The following AK5 variants were observed in gnomAD, a reference collection of about 807,000 sequenced individuals.
AK5 encodes the protein adenylate kinase isoenzyme 5.
A neutral mutation model predicts 69.5 loss-of-function variants in AK5; 27 were observed. The ratio of observed to expected loss-of-function variants is 0.39; its 90% confidence interval spans 0.29 to 0.54. The LOEUF is 0.54. AK5 is among the 20% of genes least tolerant of loss of function. AK5 has a pLI of 0.71. For missense variants in AK5, 531 were observed against 700.4 expected, an observed-to-expected ratio of 0.76 and a Z score of 2.73; for synonymous variants, 260 against 244.4, an observed-to-expected ratio of 1.06 and a Z score of -0.60.
chr1:77,558,578 CTCT>C, intron 13 of AK5, 21 bp from the exon 14 acceptor site: 1 of 1,402,570 alleles, frequency 7.1e-7, no homozygotes, highest in Non-Finnish European at 1.0e-6. Flanking sequence ...CAGACTAACT[CTCT>C]TTTTTTCCTT....
intron 10 of AK5, among the ~76,000 whole-genome samples, chr1:77,488,636 T>C (rs1027716360): frequency 6.6e-6 from 1 of 152,168 alleles, no homozygotes; most frequent in African/African-American, 2.4e-5. Context: ...GGAGAGCCAG[T>C]CCGAGTCGCA....
chr1:77,462,303 AGATGGATGGATGGATG>A (rs56413918), intron 8 of AK5, among the ~76,000 whole-genome samples: 6 of 150,048 alleles, frequency 4.0e-5, no homozygotes, highest in African/African-American at 7.3e-5. Context: ...TTTGTTGGAT[AGATGGATGGATGGATG>A]GATGGATGGA....
chr1:77,423,820 G>A (rs2647514), intron 8 of AK5, among the ~76,000 whole-genome samples: 140,278 of 151,982 alleles, frequency 0.92, 64,865 homozygotes, highest in East Asian at 0.97. Context: ...TCTTCTGGCC[G>A]TGGGAGGAGA....
At chr1:77,517,106 AAG>A (rs1354728119) in intron 10 of AK5, among the ~76,000 whole-genome samples, 1 of 151,536 alleles carries the variant, frequency 6.6e-6, no homozygotes, top group African/African-American at 2.4e-5. Context: ...ATAGCGGGGA[AAG>A]ATGCTGGAGA....
rs1462673914 is a variant in AK5 at position 77,483,025 on chromosome 1, A to T, written c.1060-292A>T. 6.2e-5 allele frequency among the ~76,000 whole-genome samples: 6 copies of T among 97,008 alleles called. 1 individual carries two copies. Among genetic ancestry groups the T allele is most frequent in the African/African-American group, 2.4e-4 (6 of 25,418 alleles). 63.6% of individuals were successfully genotyped at this position (97,008 alleles called of 152,430 possible). A position where few individuals can be genotyped will look rare whatever the true frequency, so the allele number is the denominator to read the frequency against. The stretch of plus-strand genomic sequence containing the variant: ...AAAAAAAAAAAAAAAAAAAAAAAAA[A>T]AAAAAAAAAAAAAAAGAGGTGAGAT... On this transcript the variant is annotated intron_variant, in intron 8 of 13. Coordinates refer to ENST00000354567, the MANE Select transcript of AK5 (RefSeq NM_174858.3).
chr1:77,299,359 T>C lies in AK5; in HGVS notation c.699+1412T>C, dbSNP rs1210826309. ...TTTATTTCAAGGAGCATTTAACATA[T>C]TACAGATATCGTATTAAACAGTATT... On this transcript the variant is annotated intron_variant, in intron 5 of 13. Transcript: ENST00000354567. 6.7e-5 allele frequency among the ~76,000 whole-genome samples: 10 copies of C among 150,026 alleles called. No homozygotes were observed. The Admixed American group carries it at 6.7e-4, about 10-fold the overall frequency.
chr1:77,391,728 G>A (rs1343929960), intron 6 of AK5, among the ~76,000 whole-genome samples: 1 of 151,848 alleles, frequency 6.6e-6, no homozygotes, highest in East Asian at 1.9e-4. Context: ...CATCAGGTAG[G>A]AATTGTTATT....
At chr1:77,307,702 G>T (rs910553532) in intron 5 of AK5, among the ~76,000 whole-genome samples, 4 of 152,140 alleles carry the variant, frequency 2.6e-5, no homozygotes, top group African/African-American at 9.7e-5. Context: ...TGAAAGTGAG[G>T]TGTTGAAGTC....
At chr1:77,462,813 C>T (rs1226544951) in intron 8 of AK5, among the ~76,000 whole-genome samples, 1 of 152,048 alleles carries the variant, frequency 6.6e-6, no homozygotes, top group Non-Finnish European at 1.5e-5. Flanking sequence ...TTGAAAATAC[C>T]ATTGAGATAG....
chr1:77,443,193 T>A (rs1457416579), intron 8 of AK5, among the ~76,000 whole-genome samples: 1 of 152,202 alleles, frequency 6.6e-6, no homozygotes, highest in Non-Finnish European at 1.5e-5. Flanking sequence ...GTTGAGTATC[T>A]CTTACTCAAA....
chr1:77,362,688 A>G (rs1239392542), intron 6 of AK5, among the ~76,000 whole-genome samples: 1 of 152,262 alleles, frequency 6.6e-6, no homozygotes, highest in Non-Finnish European at 1.5e-5. Flanking sequence ...AACAAATTAT[A>G]AAAACTTGTT....
intron 6 of AK5, among the ~76,000 whole-genome samples, chr1:77,383,136 A>G (rs1480875117): frequency 6.6e-6 from 1 of 152,224 alleles, no homozygotes; most frequent in East Asian, 1.9e-4. Flanking sequence ...GCTTTAAAAG[A>G]CATTTGATTA....
rs1471292918 is a variant in AK5 at position 77,367,292 on chromosome 1, C to T, written c.891+26724C>T. ...AGTGAGATATCTTGGGCATAGGACC[C>T]AAGTCTAAACATGAAATTTATTTAT... On this transcript the variant is annotated intron_variant, in intron 6 of 13. Transcript: ENST00000354567. Among the ~76,000 whole-genome samples the T allele has an allele frequency of 2.0e-5, 3 of 151,248 alleles. No homozygotes were observed. In the East Asian group the frequency reaches 5.8e-4, roughly 29 times the overall value.
chr1:77,313,340 T>C (rs1660064349), intron 5 of AK5, among the ~76,000 whole-genome samples: 1 of 152,122 alleles, frequency 6.6e-6, no homozygotes, highest in Non-Finnish European at 1.5e-5. Flanking sequence ...TCTAGACCAC[T>C]AGCTTTCTCT....
At chr1:77,369,625 G>A (rs1309641931) in intron 6 of AK5, among the ~76,000 whole-genome samples, 9 of 151,930 alleles carry the variant, frequency 5.9e-5, no homozygotes, top group Non-Finnish European at 1.0e-4. Flanking sequence ...TATATAATCC[G>A]AAGATAAAAA....
intron 2 of AK5, among the ~76,000 whole-genome samples, chr1:77,289,302 C>T (rs910297563): frequency 1.3e-5 from 2 of 152,180 alleles, no homozygotes; most frequent in East Asian, 1.9e-4. Flanking sequence ...CCACTTAATA[C>T]ATTACTGCTT....
At chr1:77,436,329 T>C (rs977836091) in intron 8 of AK5, among the ~76,000 whole-genome samples, 5 of 151,950 alleles carry the variant, frequency 3.3e-5, no homozygotes, top group Non-Finnish European at 7.4e-5. Context: ...ATGCTTTGTA[T>C]ACAGAATTAT....
chr1:77,360,949 C>T (rs1261373664), intron 6 of AK5, among the ~76,000 whole-genome samples: 3 of 152,272 alleles, frequency 2.0e-5, no homozygotes, highest in East Asian at 1.9e-4. Flanking sequence ...CAGGAGGCCA[C>T]ATAATGAAAA....
At chr1:77,470,419 C>T (rs544859584) in intron 8 of AK5, among the ~76,000 whole-genome samples, 2 of 152,242 alleles carry the variant, frequency 1.3e-5, no homozygotes, top group South Asian at 4.2e-4. Context: ...GTGGGAAGAT[C>T]ACTTGAGCCT....
Sources: allele counts gnomAD v4.1 joint callset (sites outside exome capture counted in the v4.1 genomes callset), GRCh38; gene constraint gnomAD v4.1.1; transcripts MANE v1.5; gene names NCBI Gene and HGNC (gene_info 2026-07-23, HGNC 2026-07-21).